The following CDH13 variants were observed in gnomAD, a reference collection of about 807,000 sequenced individuals.
CDH13 encodes cadherin 13, also known as cadherin-13.
Under a neutral mutation model 63.8 loss-of-function variants are expected in CDH13, and 24 were observed. The ratio of observed to expected loss-of-function variants is 0.38; its 90% CI spans 0.27 to 0.53. The LOEUF (loss-of-function observed/expected upper bound fraction) is 0.53, where lower values mean the gene tolerates loss of function less well. Among genes scored for constraint, CDH13 ranks in the 20% least tolerant of loss-of-function variants. CDH13 has a pLI of 0.85. For missense variants in CDH13, 1,049 were observed against 903.1 expected (o/e 1.16, Z -2.07); for synonymous variants, 503 against 355.3 (o/e 1.42, Z -4.67).
intron 5 of CDH13, among the ~76,000 whole-genome samples, chr16:83,336,522 G>A (rs1045193774): frequency 3.3e-5 from 5 of 152,088 alleles, no homozygotes; most frequent in South Asian, 2.1e-4. Context: ...AAATAGAAAC[G>A]GAGTCACATT....
intron 5 of CDH13, among the ~76,000 whole-genome samples, chr16:83,328,757 A>G (rs2090422973): frequency 6.6e-6 from 1 of 152,060 alleles, no homozygotes; most frequent in Admixed American, 6.5e-5. Context: ...GGCTTCTTTG[A>G]CTCAGGCATT....
In CDH13 at chr16:83,713,221, C is replaced by T. The variant is rs537776158; in HGVS notation, c.1538+34760C>T. On this transcript the variant is annotated intron_variant, in intron 10 of 13. Coordinates refer to ENST00000567109, the MANE Select transcript of CDH13 (RefSeq NM_001257.5). ...TTCTTCCAACCCTCTCTCCGTCTAACGGGCTGGGGTCCTTCATGGACGCAT... is the reference window on the plus strand; with the variant it reads ...TTCTTCCAACCCTCTCTCCGTCTAATGGGCTGGGGTCCTTCATGGACGCAT... Among the ~76,000 whole-genome samples, 5 of 152,332 alleles carry T rather than the reference C, an allele frequency of 3.3e-5. No individual in the cohort carries two copies. In the East Asian group the frequency reaches 9.6e-4, roughly 29 times the overall value.
At chr16:83,048,296 A>G (rs1917983800) in intron 3 of CDH13, among the ~76,000 whole-genome samples, 1 of 152,218 alleles carries the variant, frequency 6.6e-6, no homozygotes, top group Non-Finnish European at 1.5e-5. Context: ...GAAATTAATA[A>G]ATTGATACTC....
Position 82,950,216 on chromosome 16 carries a change from T to C in CDH13, c.158-81794T>C, listed in dbSNP as rs575345752. Among the ~76,000 whole-genome samples, 6 of 152,288 alleles carry C rather than the reference T, an allele frequency of 3.9e-5. No homozygotes were observed. In the South Asian group the frequency reaches 1.2e-3, roughly 32 times the overall value. ...ATGCCTCTCTCAGCTTCTGGAGGTT[T>C]GCTAGAAACCTTTGGCATTCCTTAG... is the stretch of plus-strand genomic sequence containing the variant. On this transcript the variant is annotated intron_variant, in intron 2 of 13. Transcript: ENST00000567109.
chr16:83,612,261 C>G (rs1464226668), intron 8 of CDH13, among the ~76,000 whole-genome samples: 2 of 151,852 alleles, frequency 1.3e-5, no homozygotes, highest in African/African-American at 2.4e-5. Flanking sequence ...TGAAATGTAC[C>G]TCTCTATCTC....
chr16:82,877,304 T>A lies in CDH13; in HGVS notation c.157+18831T>A, dbSNP rs971547372. Among the ~76,000 whole-genome samples the A allele has an allele frequency of 2.6e-5, 4 of 152,360 alleles. 1 individual carries two copies. The South Asian group carries it at 8.3e-4, about 32-fold the overall frequency. On this transcript the variant is annotated intron_variant, in intron 2 of 13. Coordinates refer to ENST00000567109, the MANE Select transcript of CDH13 (RefSeq NM_001257.5). ...GAGCTATTTATCTAGCTAAGGAGACTGTTGTCCCAGATAAATTGATATGCA... is the reference window on the plus strand; with the variant it reads ...GAGCTATTTATCTAGCTAAGGAGACAGTTGTCCCAGATAAATTGATATGCA...
intron 6 of CDH13, among the ~76,000 whole-genome samples, chr16:83,353,695 C>A (rs571111969): frequency 3.9e-5 from 6 of 152,378 alleles, no homozygotes; most frequent in South Asian, 2.1e-4. Context: ...ACACTCTCCT[C>A]TCTAACCATG....
At position 83,047,172 on chromosome 16, in the gene CDH13, G is replaced by A. The variant is rs556602424; in HGVS notation, c.366+14954G>A. Among the ~76,000 whole-genome samples, 36 of 152,282 alleles carry A rather than the reference G, an allele frequency of 2.4e-4. No individual in the cohort carries two copies. In the South Asian group the frequency reaches 5.0e-3, roughly 21 times the overall value. ...CGTGAGACCCAAGGAAAGGTCTGCAGACTATAAGCAGACTTTATCTGAAGA... is the reference window on the plus strand; with the variant it reads ...CGTGAGACCCAAGGAAAGGTCTGCAAACTATAAGCAGACTTTATCTGAAGA... On this transcript the variant is annotated intron_variant, in intron 3 of 13. Transcript: ENST00000567109. This position sits in a 1 kb window ranked among gnomAD's most constrained non-coding sequence, Gnocchi z 4.9.
At chr16:83,694,544 C>T (rs946500488) in intron 10 of CDH13, among the ~76,000 whole-genome samples, 27 of 152,312 alleles carry the variant, frequency 1.8e-4, no homozygotes, top group Admixed American at 4.6e-4. Flanking sequence ...ATGACTGTCC[C>T]CAGCTGCCCT....
chr16:83,315,179 C>T (rs1366130005), intron 5 of CDH13, among the ~76,000 whole-genome samples: 3 of 152,226 alleles, frequency 2.0e-5, no homozygotes, highest in Non-Finnish European at 4.4e-5. Context: ...ATCCTAAGCT[C>T]ATATGTGGAA....
chr16:83,362,883 G>A (rs2091188797), intron 6 of CDH13, among the ~76,000 whole-genome samples: 1 of 152,210 alleles, frequency 6.6e-6, no homozygotes, highest in South Asian at 2.1e-4. Flanking sequence ...AGATGCAACA[G>A]GCAAGCATCA....
At chr16:83,316,851 A>G (rs572876590) in intron 5 of CDH13, among the ~76,000 whole-genome samples, 3 of 150,450 alleles carry the variant, frequency 2.0e-5, no homozygotes, top group Non-Finnish European at 4.4e-5. Flanking sequence ...TTCCACATGT[A>G]TGTTGATCAG....
intron 10 of CDH13, among the ~76,000 whole-genome samples, chr16:83,734,755 A>ATAATAATAATAAT (rs1567560505): frequency 4.0e-5 from 6 of 149,818 alleles, no homozygotes; most frequent in Non-Finnish European, 7.4e-5. Flanking sequence ...AATAATAATA[A>ATAATAATAATAAT]AAACAGGGAT....
intron 10 of CDH13, among the ~76,000 whole-genome samples, chr16:83,727,329 C>T (rs1328860545): frequency 6.6e-6 from 1 of 152,104 alleles, no homozygotes; most frequent in African/African-American, 2.4e-5. Flanking sequence ...GGAAGGGACG[C>T]TGCTGAGTGT....
rs1363294954 is a variant in CDH13 at position 82,913,896 on chromosome 16, G to A, written c.157+55423G>A. On this transcript the variant is annotated intron_variant, in intron 2 of 13. Transcript: ENST00000567109. Reference sequence around the variant, plus strand: ...CTGGAGTTTAATCCTTAAGGAGACTGCTGAGAAACAGAGTGGTGCACACTT... The same window carrying A: ...CTGGAGTTTAATCCTTAAGGAGACTACTGAGAAACAGAGTGGTGCACACTT... 2.6e-5 allele frequency among the ~76,000 whole-genome samples: 4 copies of A among 152,152 alleles called. No individual in the cohort carries two copies. In the East Asian group the frequency reaches 5.8e-4, roughly 22 times the overall value.
chr16:83,065,698 T>C (rs373374073), intron 3 of CDH13, among the ~76,000 whole-genome samples: 3,388 of 146,322 alleles, frequency 0.023, 135 homozygotes, highest in African/African-American at 0.082. Flanking sequence ...GAACGAGATT[T>C]GTCTCAAAAA....
At chr16:83,561,068 C>T (rs2150687845) in intron 7 of CDH13, among the ~76,000 whole-genome samples, 1 of 152,168 alleles carries the variant, frequency 6.6e-6, no homozygotes. Flanking sequence ...TCTGTGACTC[C>T]CAAACCAATA....
intron 7 of CDH13, among the ~76,000 whole-genome samples, chr16:83,594,033 G>C (rs1040876872): frequency 6.6e-6 from 1 of 152,120 alleles, no homozygotes; most frequent in Non-Finnish European, 1.5e-5. Flanking sequence ...GTGCTTAATG[G>C]GCACTCACAG....
intron 6 of CDH13, among the ~76,000 whole-genome samples, chr16:83,399,658 G>A (rs2091938433): frequency 6.6e-6 from 1 of 152,174 alleles, no homozygotes; most frequent in Non-Finnish European, 1.5e-5. Flanking sequence ...AGGCCATGCA[G>A]CTTTCTCCTT....
Sources: allele counts gnomAD v4.1 joint callset (sites outside exome capture counted in the v4.1 genomes callset), GRCh38; gene constraint gnomAD v4.1.1; non-coding constraint Gnocchi (gnomAD v3.1); transcripts MANE v1.5; gene names NCBI Gene and HGNC (gene_info 2026-07-23, HGNC 2026-07-21).